The following PEX5L variants were observed in gnomAD, a reference collection of about 807,000 sequenced individuals.
PEX5L encodes the protein peroxisomal biogenesis factor 5 like, also known as PEX5-related protein.
A neutral mutation model predicts 84.0 loss-of-function variants in PEX5L; 30 were observed. That is an observed-to-expected ratio of 0.36 (90% CI 0.27 to 0.48). The LOEUF is 0.48. PEX5L is among the 20% of genes least tolerant of loss of function. The probability of loss-of-function intolerance (pLI) is 0.99; values close to 1 mark genes in which losing one functional copy is unlikely to be tolerated. For synonymous variants in PEX5L, 270 were observed against 283.1 expected, an observed-to-expected ratio of 0.95 and a Z score of 0.46; for missense variants, 533 against 754.6, an observed-to-expected ratio of 0.71 and a Z score of 3.44.
At chr3:179,864,750 A>G (rs1278230520) in intron 7 of PEX5L, among the ~76,000 whole-genome samples, 1 of 152,194 alleles carries the variant, frequency 6.6e-6, no homozygotes, top group Non-Finnish European at 1.5e-5. Flanking sequence ...GAGCCATTTT[A>G]CAAAGTATAT....
chr3:179,804,862 T>TA lies in PEX5L; in HGVS notation c.1676+2811dup, dbSNP rs570615895. On this transcript the variant is annotated intron_variant, in intron 14 of 14. Transcript: ENST00000467460. ...CGCCGGGTGTAGTGGCTCATGCCTG[T>TA]AATCCCCGCACTTTGGGAGGCTGAG... 4.7e-4 allele frequency among the ~76,000 whole-genome samples: 72 copies of TA among 152,346 alleles called. 4 individuals are homozygous for TA. In the East Asian group the frequency reaches 0.013, roughly 28 times the overall value.
chr3:179,829,372 A>C (rs1445981829), intron 8 of PEX5L, among the ~76,000 whole-genome samples: 1 of 152,212 alleles, frequency 6.6e-6, no homozygotes, highest in Non-Finnish European at 1.5e-5. Flanking sequence ...AATAGCACCA[A>C]ACAGTGCTTT....
chr3:179,881,349 C>T (rs1244440352), intron 4 of PEX5L: 1 of 152,184 alleles, frequency 6.6e-6, no homozygotes, highest in East Asian at 1.9e-4. Context: ...TCAAACTTTA[C>T]TCTTAATAAT....
intron 2 of PEX5L, among the ~76,000 whole-genome samples, chr3:179,958,222 C>G (rs1781096169): frequency 6.6e-6 from 1 of 152,146 alleles, no homozygotes. Context: ...TATTTCCTAA[C>G]AGTCAAAATT....
At chr3:179,952,005 A>G (rs1451077338) in intron 2 of PEX5L, among the ~76,000 whole-genome samples, 1 of 152,242 alleles carries the variant, frequency 6.6e-6, no homozygotes, top group African/African-American at 2.4e-5. Context: ...GATAATTTAC[A>G]ATTACAAAGC....
chr3:179,830,032 G>A (rs1051866902), intron 8 of PEX5L, among the ~76,000 whole-genome samples: 15 of 148,674 alleles, frequency 1.0e-4, no homozygotes, highest in Non-Finnish European at 7.4e-5. Flanking sequence ...CCTGACCTCA[G>A]GTGATCCACC....
chr3:179,975,514 C>A (rs1579192855), intron 1 of PEX5L, among the ~76,000 whole-genome samples: 1 of 152,036 alleles, frequency 6.6e-6, no homozygotes, highest in East Asian at 1.9e-4. Flanking sequence ...CAATTTTTGC[C>A]TAACTACAGA....
At chr3:179,805,991 A>T (rs184583900) in intron 14 of PEX5L, among the ~76,000 whole-genome samples, 73 of 150,434 alleles carry the variant, frequency 4.9e-4, no homozygotes, top group African/African-American at 9.9e-4. Flanking sequence ...ATTGAAAAAA[A>T]ATATATAAAA....
intron 1 of PEX5L, among the ~76,000 whole-genome samples, chr3:180,004,616 G>A (rs909034227): frequency 6.6e-6 from 1 of 151,834 alleles, no homozygotes; most frequent in Admixed American, 6.6e-5. Context: ...GTTTTTTGCC[G>A]AAGTTCAAAG....
Position 180,003,909 on chromosome 3 carries a change from A to G in PEX5L, c.22-32244T>C, listed in dbSNP as rs55930138. On this transcript the variant is annotated intron_variant, in intron 1 of 14. Coordinates refer to ENST00000467460, the MANE Select transcript of PEX5L (RefSeq NM_016559.3). ...AGTGATTTGAACTTACAAATGAGCC[A>G]TGTGAAGAAATGCTCTAGCAGCTTC... Among the ~76,000 whole-genome samples the G allele has an allele frequency of 5.6e-3, 857 of 152,346 alleles. 8 individuals are homozygous for G. The highest frequency in any genetic ancestry group is 0.02 in the African/African-American group (819 of 41,574).
intron 2 of PEX5L, among the ~76,000 whole-genome samples, chr3:179,949,210 A>G (rs1778415623): frequency 6.6e-6 from 1 of 152,318 alleles, no homozygotes; most frequent in Non-Finnish European, 1.5e-5. Context: ...ACTGAAGAGT[A>G]GATTTTTAAA....
intron 2 of PEX5L, among the ~76,000 whole-genome samples, chr3:179,941,823 C>T (rs1200856419): frequency 1.3e-5 from 2 of 151,936 alleles, no homozygotes; most frequent in African/African-American, 4.8e-5. Context: ...GAGTTCGAGA[C>T]CAGCCTGGCC....
At position 180,024,256 on chromosome 3, in the gene PEX5L, G is replaced by T. The variant is rs527931818; in HGVS notation, c.21+12323C>A. Among the ~76,000 whole-genome samples the T allele has an allele frequency of 2.7e-5, 4 of 150,476 alleles. No homozygotes were observed. The South Asian group carries it at 8.5e-4, about 32-fold the overall frequency. On this transcript the variant is annotated intron_variant, in intron 1 of 14. Transcript: ENST00000467460. ...CGGGCTCACATATAAGAGTAACTGT[G>T]CCCGGCACTTTGGGAGGCCGAGGTG...
chr3:179,865,649 T>G (rs865923168), intron 7 of PEX5L, among the ~76,000 whole-genome samples: 2 of 152,230 alleles, frequency 1.3e-5, no homozygotes, highest in Middle Eastern at 3.4e-3. Context: ...CACGTTACAC[T>G]TATACATTTG....
At chr3:179,840,183 G>GTGTGTGTT (rs542803963) in intron 8 of PEX5L, among the ~76,000 whole-genome samples, 9 of 78,722 alleles carry the variant, frequency 1.1e-4, no homozygotes, top group African/African-American at 4.2e-4. Context: ...GTGTGTGTGT[G>GTGTGTGTT]TTTTTTTTTT....
At chr3:179,967,480 T>A (rs866136546) in intron 2 of PEX5L, among the ~76,000 whole-genome samples, 1 of 152,134 alleles carries the variant, frequency 6.6e-6, no homozygotes, top group Non-Finnish European at 1.5e-5. Flanking sequence ...AAGCACAGTA[T>A]CATTTTACAA....
intron 2 of PEX5L, among the ~76,000 whole-genome samples, chr3:179,927,371 T>C (rs1017313005): frequency 2.0e-5 from 3 of 152,110 alleles, no homozygotes; most frequent in Non-Finnish European, 4.4e-5. Flanking sequence ...GTCCTGCCAG[T>C]GTAAGGAGAG....
At chr3:179,889,532 T>A (rs1484569444) in intron 3 of PEX5L, among the ~76,000 whole-genome samples, 1 of 152,232 alleles carries the variant, frequency 6.6e-6, no homozygotes, top group African/African-American at 2.4e-5. Flanking sequence ...AACGCTTTTC[T>A]TCTTTTAACG....
At chr3:179,926,595 C>T (rs1771525480) in intron 2 of PEX5L, among the ~76,000 whole-genome samples, 1 of 152,308 alleles carries the variant, frequency 6.6e-6, no homozygotes, top group East Asian at 1.9e-4. Context: ...GTCCCTCCAT[C>T]CCTTTATCTC....
Sources: allele counts gnomAD v4.1 joint callset (sites outside exome capture counted in the v4.1 genomes callset), GRCh38; gene constraint gnomAD v4.1.1; transcripts MANE v1.5; gene names NCBI Gene and HGNC (gene_info 2026-07-23, HGNC 2026-07-21).